The following AGBL1 variants were observed in gnomAD, a reference collection of about 807,000 sequenced individuals.
AGBL1 encodes the protein cytosolic carboxypeptidase 4.
In AGBL1, 130 loss-of-function variants were observed where a neutral mutation model predicts 118.9. The ratio of observed to expected loss-of-function variants is 1.09; its 90% CI spans 0.95 to 1.26. AGBL1 has a LOEUF of 1.26. Ranked by LOEUF, AGBL1 falls within the 50% of genes most tolerant of loss-of-function variation. The pLI is 0.00. For synonymous variants in AGBL1, 555 were observed against 478.9 expected (o/e 1.16, Z -2.08); for missense variants, 1,584 against 1,298.1 (o/e 1.22, Z -3.38).
At chr15:86,235,486 A>T (rs1473827412) in intron 6 of AGBL1, among the ~76,000 whole-genome samples, 2 of 152,252 alleles carry the variant, frequency 1.3e-5, no homozygotes, top group Admixed American at 6.5e-5. Context: ...CTGGCTATGG[A>T]TTGACAAAGA....
intron 21 of AGBL1, among the ~76,000 whole-genome samples, chr15:86,572,018 C>T (rs1373972140): frequency 6.6e-6 from 1 of 152,180 alleles, no homozygotes; most frequent in Non-Finnish European, 1.5e-5. Flanking sequence ...CCTGAGGGGG[C>T]CAAGCCGGCA....
chr15:86,143,838 C>T lies in AGBL1; in HGVS notation c.255C>T (p.Gly85=). ...LPLFRLLAKV[G]LRDKKIGRKA... is the part of the protein sequence containing the mutation. Reference sequence around the variant, plus strand: ...TCTTCCGGCTGCTGGCCAAAGTTGGCCTAAGAGGTACTCGTACTCCAAGAC... The same window carrying T: ...TCTTCCGGCTGCTGGCCAAAGTTGGTCTAAGAGGTACTCGTACTCCAAGAC... The change falls in exon 3 of 23, where the codon GGC becomes GGT. Residue 85 remains glycine, a synonymous_variant. Transcript: ENST00000614907. 2 of 1,613,510 alleles carry T rather than the reference C, an allele frequency of 1.2e-6. No individual in the cohort carries two copies. The highest frequency in any genetic ancestry group is 1.7e-6 in the Non-Finnish European group (2 of 1,179,644).
At chr15:86,110,506 C>T (rs541466472) in intron 1 of AGBL1, among the ~76,000 whole-genome samples, 45 of 151,780 alleles carry the variant, frequency 3.0e-4, no homozygotes, top group African/African-American at 8.7e-4. Context: ...TTGAGTAGGT[C>T]GAGAAGGAGA....
intron 1 of AGBL1, among the ~76,000 whole-genome samples, chr15:86,131,157 G>C (rs1044632073): frequency 2.0e-5 from 3 of 152,134 alleles, no homozygotes; most frequent in Admixed American, 1.3e-4. Flanking sequence ...GTATCCCAGT[G>C]ACCTGATGCC....
intron 17 of AGBL1, among the ~76,000 whole-genome samples, chr15:86,322,603 T>C (rs2080120847): frequency 6.6e-6 from 1 of 152,196 alleles, no homozygotes; most frequent in East Asian, 1.9e-4. Flanking sequence ...GTATGCTTTA[T>C]GAATATTGAT....
chr15:86,464,173 T>A (rs1166212217), intron 18 of AGBL1, among the ~76,000 whole-genome samples: 1 of 152,198 alleles, frequency 6.6e-6, no homozygotes, highest in Non-Finnish European at 1.5e-5. Context: ...TAAGTTGTAT[T>A]CCCAGGTATT....
chr15:86,855,954 CTAATGGCAGCCTTTAAAA>C (rs2079474186), intron 22 of AGBL1, among the ~76,000 whole-genome samples: 2 of 152,184 alleles, frequency 1.3e-5, no homozygotes, highest in South Asian at 4.1e-4. Flanking sequence ...TAACTCATCC[CTAATGGCAGCCTTTAAAA>C]CCCGGGAGCT....
At chr15:86,618,023 A>G (rs899711555) in intron 21 of AGBL1, among the ~76,000 whole-genome samples, 1 of 152,136 alleles carries the variant, frequency 6.6e-6, no homozygotes, top group Admixed American at 6.5e-5. Context: ...GCTTCCCACT[A>G]TATTATACTT....
chr15:86,540,279 A>G (rs2083476502), intron 19 of AGBL1, among the ~76,000 whole-genome samples: 1 of 152,188 alleles, frequency 6.6e-6, no homozygotes, highest in Non-Finnish European at 1.5e-5. Flanking sequence ...TATTTGTTGA[A>G]TCAATTGATA....
intron 22 of AGBL1, among the ~76,000 whole-genome samples, chr15:86,859,299 C>T (rs2141476436): frequency 6.6e-6 from 1 of 152,296 alleles, no homozygotes; most frequent in Non-Finnish European, 1.5e-5. Context: ...ATGACCTAGA[C>T]ATTCACATCT....
intron 18 of AGBL1, among the ~76,000 whole-genome samples, chr15:86,488,987 T>C (rs2082746463): frequency 1.3e-5 from 2 of 152,098 alleles, no homozygotes; most frequent in Admixed American, 6.6e-5. Flanking sequence ...TTTAAAGAGC[T>C]GAGCAATGAT....
At chr15:86,264,908 T>C in intron 11 of AGBL1, 70 bp downstream of exon 11, 1 of 1,343,664 alleles carries the variant, frequency 7.4e-7, no homozygotes, top group Non-Finnish European at 1.0e-6. Flanking sequence ...AAATGGTTTG[T>C]ACAGATAATT....
chr15:86,215,221 ATGCG>A (rs1555449546), intron 5 of AGBL1, among the ~76,000 whole-genome samples: 19,667 of 124,564 alleles, frequency 0.16, 1,599 homozygotes, highest in Admixed American at 0.28. Context: ...GTGTATATGT[ATGCG>A]TGTGTGTGTG....
intron 17 of AGBL1, among the ~76,000 whole-genome samples, chr15:86,318,522 G>A (rs954106999): frequency 4.6e-5 from 7 of 151,252 alleles, no homozygotes; most frequent in East Asian, 3.9e-4. Flanking sequence ...CCACACAGAC[G>A]TGTGTAGCTA....
At chr15:86,773,304 G>A (rs1302902478) in intron 22 of AGBL1, among the ~76,000 whole-genome samples, 1 of 152,034 alleles carries the variant, frequency 6.6e-6, no homozygotes, top group Non-Finnish European at 1.5e-5. Context: ...GAGTGGAAGA[G>A]GTGTGATAGC....
At chr15:86,473,793 G>T (rs1355013692) in intron 18 of AGBL1, among the ~76,000 whole-genome samples, 2 of 152,120 alleles carry the variant, frequency 1.3e-5, no homozygotes, top group Non-Finnish European at 2.9e-5. Flanking sequence ...GCCAACGTTT[G>T]CCTATATCAT....
At chr15:86,800,042 A>G (rs918671733) in intron 22 of AGBL1, among the ~76,000 whole-genome samples, 4 of 152,078 alleles carry the variant, frequency 2.6e-5, no homozygotes, top group African/African-American at 7.2e-5. Context: ...ATTATTTTTC[A>G]TTATTCTCAT....
chr15:86,688,399 A>C (rs2086102193), intron 22 of AGBL1, among the ~76,000 whole-genome samples: 1 of 152,156 alleles, frequency 6.6e-6, no homozygotes. Flanking sequence ...AAACTGTCTG[A>C]ATTAAAATGC....
chr15:86,790,086 C>G (rs983701800), intron 22 of AGBL1, among the ~76,000 whole-genome samples: 1 of 152,060 alleles, frequency 6.6e-6, no homozygotes, highest in African/African-American at 2.4e-5. Flanking sequence ...TATTTCTCAT[C>G]CCAGGATCTG....
Sources: allele counts gnomAD v4.1 joint callset (sites outside exome capture counted in the v4.1 genomes callset), GRCh38; gene constraint gnomAD v4.1.1; transcripts MANE v1.5; gene names NCBI Gene and HGNC (gene_info 2026-07-23, HGNC 2026-07-21).